The following SLU7 variants were observed in gnomAD, a reference collection of about 807,000 sequenced individuals.
The protein encoded by SLU7 is pre-mRNA-splicing factor SLU7.
A neutral mutation model predicts 87.0 loss-of-function variants in SLU7; 60 were observed. The ratio of observed to expected loss-of-function variants is 0.69; its 90% confidence interval spans 0.56 to 0.86. The LOEUF (loss-of-function observed/expected upper bound fraction) is 0.86, where lower values mean the gene tolerates loss of function less well. Ranked by LOEUF, SLU7 falls within the 40% of genes least tolerant of loss-of-function variation. SLU7 has a pLI of 0.00. For synonymous variants in SLU7, 197 were observed against 222.0 expected, an observed-to-expected ratio of 0.89 and a Z score of 1.00; for missense variants, 507 against 686.6, an observed-to-expected ratio of 0.74 and a Z score of 2.92.
At position 160,404,961 on chromosome 5, in the gene SLU7, C is replaced by T. The variant is rs1052661795; in HGVS notation, c.1392+70G>A. 2.9e-5 allele frequency: 43 copies of T among 1,492,776 alleles called. 1 individual carries two copies. The highest frequency in any genetic ancestry group is 2.4e-4 in the South Asian group (21 of 88,408). 92.5% of individuals were successfully genotyped at this position (1,492,776 alleles called of 1,614,324 possible). A position where few individuals can be genotyped will look rare whatever the true frequency, so the allele number is the denominator to read the frequency against. ...ACAAGTTAAAATTTGAAACATGAGA[C>T]AGCATGTTTTAGTTTGACTTAGGAG... On this transcript the variant is annotated intron_variant, in intron 13 of 15. Coordinates refer to ENST00000297151, the MANE Select transcript of SLU7 (RefSeq NM_006425.5).
chr5:160,411,186 A>G (rs574529101), intron 6 of SLU7, among the ~76,000 whole-genome samples: 2 of 151,774 alleles, frequency 1.3e-5, no homozygotes, highest in South Asian at 4.2e-4. Context: ...CTTTTCTAAG[A>G]GCATGTATGT....
chr5:160,407,849 G>A lies in SLU7; in HGVS notation c.918-36C>T. On this transcript the variant is annotated intron_variant, in intron 9 of 15. Coordinates refer to ENST00000297151, the MANE Select transcript of SLU7 (RefSeq NM_006425.5). The surrounding 1 kb of genome is among the most constrained non-coding windows in gnomAD (Gnocchi z 4.2). ...AAATAAAGAAAATGTTTCAGAGATT[G>A]ATTTAAGGAAAATTAATTCGTAAAA... 6.4e-7 allele frequency: 1 copy of A among 1,558,186 alleles called. No homozygotes were observed. The highest frequency in any genetic ancestry group is 8.8e-7 in the Non-Finnish European group (1 of 1,131,690).
At position 160,405,085 on chromosome 5, in the gene SLU7, A is replaced by G; in HGVS notation, c.1338T>C (p.Cys446=). 6.2e-7 allele frequency: 1 copy of G among 1,613,954 alleles called. No individual in the cohort carries two copies. The highest frequency in any genetic ancestry group is 8.5e-7 in the Non-Finnish European group (1 of 1,179,836). The change falls in exon 13 of 16, where the codon TGT becomes TGC. Residue 446 remains cysteine (C), a synonymous_variant. Coordinates refer to ENST00000297151, the MANE Select transcript of SLU7 (RefSeq NM_006425.5). The part of the protein sequence containing the change: ...WKEGRWGYKC[C]HSFFKYSYCT... Reference sequence around the variant, plus strand: ...AATAGGAATACTTGAAAAAAGAGTGACAGCATTTGTATCCCCATCGGCCTT... The same window carrying G: ...AATAGGAATACTTGAAAAAAGAGTGGCAGCATTTGTATCCCCATCGGCCTT...
intron 6 of SLU7, among the ~76,000 whole-genome samples, chr5:160,410,598 G>A (rs915751753): frequency 6.6e-6 from 1 of 152,044 alleles, no homozygotes; most frequent in African/African-American, 2.4e-5. Context: ...ATCCAAGTGG[G>A]CAAAAATCAT....
intron 1 of SLU7, among the ~76,000 whole-genome samples, chr5:160,415,533 T>G (rs1372682061): frequency 1.3e-5 from 2 of 152,218 alleles, no homozygotes; most frequent in Admixed American, 6.5e-5. Flanking sequence ...ACACGTGTAT[T>G]TAAAATTTCA....
rs987356681 is a variant in SLU7 at position 160,406,647 on chromosome 5, A to G, written c.1126-18T>C. ...CCACCATACTAAAAGGACATTGGAC[A>G]TTATTCAATACATTTTACAACCTGA... is the stretch of plus-strand genomic sequence containing the variant. On this transcript the variant is annotated intron_variant, in intron 11 of 15. Transcript: ENST00000297151. 2 of 1,566,986 alleles carry G rather than the reference A, an allele frequency of 1.3e-6. No homozygotes were observed. Among genetic ancestry groups the G allele is most frequent in the Non-Finnish European group, 1.7e-6 (2 of 1,155,684 alleles).
At chr5:160,408,556 G>T in intron 7 of SLU7, 94 bp downstream of exon 7, 26 of 1,436,428 alleles carry the variant, frequency 1.8e-5, no homozygotes, top group Non-Finnish European at 2.5e-5. Flanking sequence ...TTATTTACTT[G>T]TGTTCTTTAA....
intron 1 of SLU7, among the ~76,000 whole-genome samples, chr5:160,415,680 T>C (rs900100852): frequency 6.6e-6 from 1 of 152,210 alleles, no homozygotes; most frequent in African/African-American, 2.4e-5. Flanking sequence ...TCAAGAGTTA[T>C]CTATATTCAC....
rs1436565762 is a variant in SLU7 at position 160,419,052 on chromosome 5, A to T, written c.-46T>A. On this transcript the variant is annotated 5_prime_UTR_variant, in exon 1 of 16. The change abolishes an upstream ATG in the 5' untranslated region. Coordinates refer to ENST00000297151, the MANE Select transcript of SLU7 (RefSeq NM_006425.5). ...CCCCGCCGCAGCTAGCCCCAAGTCC[A>T]TCCGACAGAATCCAAGCCAATCTCG... is the stretch of plus-strand genomic sequence containing the variant. 2 of 152,194 alleles carry T rather than the reference A, an allele frequency of 1.3e-5. No individual in the cohort carries two copies. The highest frequency in any genetic ancestry group is 2.1e-4 in the South Asian group (1 of 4,826). 9.4% of individuals were successfully genotyped at this position (152,194 alleles called of 1,614,324 possible).
chr5:160,408,806 A>C (rs886222478), intron 6 of SLU7, 109 bp from the exon 7 acceptor site: 8 of 187,184 alleles, frequency 4.3e-5, no homozygotes, highest in Non-Finnish European at 7.0e-5. Context: ...TAATATATTT[A>C]TATAATAAAA....
At position 160,415,199 on chromosome 5, in the gene SLU7, G is replaced by C. The variant is rs1431669255; in HGVS notation, c.96C>G (p.Asp32Glu). 1 of 1,611,992 alleles carries C rather than the reference G, an allele frequency of 6.2e-7. No homozygotes were observed. Among genetic ancestry groups the C allele is most frequent in the Non-Finnish European group, 8.5e-7 (1 of 1,179,142 alleles). The change falls in exon 2 of 16, where the codon GAC (aspartate) becomes GAG (glutamate). Residue 32 changes from aspartate to glutamate, a missense_variant. Coordinates refer to ENST00000297151, the MANE Select transcript of SLU7 (RefSeq NM_006425.5). ...CTTCTAGCTCCTTCTTCTTTCTCCA[G>C]TCCTCTCTGGTCATCTTCTTTGGTT... is the stretch of plus-strand genomic sequence containing the variant. ...LEEPKKMTREDWRKKKELEEQ... is the reference protein window; with the variant it reads ...LEEPKKMTREEWRKKKELEEQ...
intron 6 of SLU7, 41 bp downstream of exon 6, chr5:160,412,410 A>G: frequency 8.5e-7 from 1 of 1,181,804 alleles, no homozygotes; most frequent in South Asian, 1.3e-5. Flanking sequence ...TCTTTGTTTA[A>G]AAGAAATAAA....
At chr5:160,417,332 T>C (rs746134808) in intron 1 of SLU7, 5 of 152,226 alleles carry the variant, frequency 3.3e-5, no homozygotes, top group Non-Finnish European at 7.3e-5. Context: ...AAAATTACTT[T>C]TACAAGATTT....
intron 12 of SLU7, 75 bp downstream of exon 12, chr5:160,406,393 A>G: frequency 8.9e-7 from 1 of 1,118,040 alleles, no homozygotes; most frequent in Non-Finnish European, 1.2e-6. Flanking sequence ...TGGTTAGCTA[A>G]TAAAGTTGTA....
intron 6 of SLU7, 37 bp downstream of exon 6, chr5:160,412,413 GA>G: frequency 8.4e-7 from 1 of 1,184,138 alleles, no homozygotes; most frequent in Non-Finnish European, 1.2e-6. Flanking sequence ...TTGTTTAAAA[GA>G]AATAAAACCT....
At chr5:160,404,697 C>T (rs1581059913) in intron 14 of SLU7, 112 bp downstream of exon 14, 1 of 912,716 alleles carries the variant, frequency 1.1e-6, no homozygotes, top group East Asian at 2.5e-5. Context: ...TGCGCTCGAG[C>T]CTGGGCGACA....
At chr5:160,409,033 A>C (rs1765128817) in intron 6 of SLU7, among the ~76,000 whole-genome samples, 1 of 151,792 alleles carries the variant, frequency 6.6e-6, no homozygotes, top group African/African-American at 2.4e-5. Flanking sequence ...GCAAATTTCA[A>C]GAGAATTTTA....
chr5:160,417,337 A>G (rs1437190612), intron 1 of SLU7: 1 of 151,930 alleles, frequency 6.6e-6, no homozygotes, highest in Non-Finnish European at 1.5e-5. Flanking sequence ...TACTTTTACA[A>G]GATTTTATTT....
intron 4 of SLU7, 66 bp downstream of exon 4, chr5:160,413,833 G>C (rs1463322223): frequency 8.4e-7 from 1 of 1,190,472 alleles, no homozygotes; most frequent in African/African-American, 1.6e-5. Context: ...AGAGAAGTTA[G>C]CTCTCTGACA....
Sources: allele counts gnomAD v4.1 joint callset (sites outside exome capture counted in the v4.1 genomes callset), GRCh38; gene constraint gnomAD v4.1.1; non-coding constraint Gnocchi (gnomAD v3.1); transcripts MANE v1.5; gene names NCBI Gene and HGNC (gene_info 2026-07-23, HGNC 2026-07-21).